The following MIB1 variants were observed in gnomAD, a reference collection of about 807,000 sequenced individuals.
MIB1 encodes E3 ubiquitin-protein ligase MIB1.
A neutral mutation model predicts 124.5 loss-of-function variants in MIB1; 278 were observed. That is an observed-to-expected ratio of 2.23 (90% confidence interval 2.02 to 2.47). The LOEUF (loss-of-function observed/expected upper bound fraction) is 2.47, where lower values mean the gene tolerates loss of function less well. MIB1 is among the 30% of genes most tolerant of loss of function. The pLI is 0.00. For missense variants in MIB1, 957 were observed against 1,254.4 expected (o/e 0.76, Z 3.58); for synonymous variants, 446 against 429.4 (o/e 1.04, Z -0.48).
chr18:21,866,091 T>C lies in MIB1; in HGVS notation c.*1425T>C, dbSNP rs1598650142. On this transcript the variant is annotated 3_prime_UTR_variant, in exon 21 of 21. Coordinates refer to ENST00000261537, the MANE Select transcript of MIB1 (RefSeq NM_020774.4). ...ATAAGCTTTTTCCTAAAAATAGTTA[T>C]CCTCTTTTGTAGTTTTTTTCCCTCC... 2 of 152,330 alleles carry C rather than the reference T, an allele frequency of 1.3e-5. No individual in the cohort carries two copies. Among genetic ancestry groups the C allele is most frequent in the South Asian group, 2.1e-4 (1 of 4,826 alleles). 9.4% of individuals were successfully genotyped at this position (152,330 alleles called of 1,614,324 possible). A position where few individuals can be genotyped will look rare whatever the true frequency, so the allele number is the denominator to read the frequency against.
intron 10 of MIB1, among the ~76,000 whole-genome samples, chr18:21,814,121 T>C (rs1467511550): frequency 6.6e-6 from 1 of 152,216 alleles, no homozygotes; most frequent in Non-Finnish European, 1.5e-5. Flanking sequence ...TGGTCTTTCC[T>C]GCCTTCTCAT....
At chr18:21,834,800 A>G (rs2042011909) in intron 12 of MIB1, among the ~76,000 whole-genome samples, 1 of 152,232 alleles carries the variant, frequency 6.6e-6, no homozygotes, top group South Asian at 2.1e-4. Context: ...GTAAAGGGGT[A>G]TTCTGGAACA....
chr18:21,756,464 CT>C (rs1017706028), intron 1 of MIB1, among the ~76,000 whole-genome samples: 2 of 151,710 alleles, frequency 1.3e-5, no homozygotes, highest in Non-Finnish European at 2.9e-5. Context: ...GTATAAAATT[CT>C]TTTTTTTATT....
intron 13 of MIB1, among the ~76,000 whole-genome samples, chr18:21,842,545 G>A (rs1267509060): frequency 6.6e-6 from 1 of 152,098 alleles, no homozygotes; most frequent in Non-Finnish European, 1.5e-5. Flanking sequence ...TCTTCATTAG[G>A]GTTCAGCTGT....
chr18:21,792,147 C>T (rs2041512044), intron 7 of MIB1, among the ~76,000 whole-genome samples: 1 of 152,020 alleles, frequency 6.6e-6, no homozygotes, highest in South Asian at 2.1e-4. Flanking sequence ...ACTCTGTCAC[C>T]TTGCCATCCC....
intron 1 of MIB1, among the ~76,000 whole-genome samples, chr18:21,723,850 A>G (rs2040725911): frequency 6.6e-6 from 1 of 152,014 alleles, no homozygotes; most frequent in Non-Finnish European, 1.5e-5. Flanking sequence ...CTGTTTATAA[A>G]GTAAGCTAAA....
intron 10 of MIB1, among the ~76,000 whole-genome samples, chr18:21,805,340 T>A (rs2041691885): frequency 1.3e-5 from 2 of 152,170 alleles, no homozygotes. Flanking sequence ...GCATATTAGA[T>A]ATCTATGAAC....
chr18:21,728,398 C>A (rs2040752470), intron 1 of MIB1, among the ~76,000 whole-genome samples: 1 of 152,034 alleles, frequency 6.6e-6, no homozygotes, highest in African/African-American at 2.4e-5. Context: ...GAGGCTGAGG[C>A]AGGAGAATTG....
intron 16 of MIB1, among the ~76,000 whole-genome samples, chr18:21,847,742 A>G (rs1283412287): frequency 6.6e-6 from 1 of 152,226 alleles, no homozygotes; most frequent in East Asian, 1.9e-4. Context: ...TGCACTCAGT[A>G]TCAGTGGAGA....
chr18:21,757,591 TCTC>T (rs2041049142), intron 1 of MIB1, among the ~76,000 whole-genome samples: 1 of 147,964 alleles, frequency 6.8e-6, no homozygotes, highest in African/African-American at 2.5e-5. Flanking sequence ...TTCAAGCAAT[TCTC>T]CTGCCTCAGC....
At chr18:21,721,261 A>G (rs1194009093) in intron 1 of MIB1, among the ~76,000 whole-genome samples, 7 of 133,138 alleles carry the variant, frequency 5.3e-5, no homozygotes, top group Non-Finnish European at 1.1e-4. Flanking sequence ...GCTCACTGCA[A>G]TATCCGCCTC....
chr18:21,712,257 G>A (rs1178768532), intron 1 of MIB1: 2 of 152,288 alleles, frequency 1.3e-5, no homozygotes, highest in African/African-American at 4.8e-5. Flanking sequence ...GTATTTCAAA[G>A]GAGAAATCAG....
At chr18:21,785,278 C>T (rs980412346) in intron 6 of MIB1, among the ~76,000 whole-genome samples, 2 of 151,900 alleles carry the variant, frequency 1.3e-5, no homozygotes, top group Non-Finnish European at 2.9e-5. Context: ...GGGCCGCTAC[C>T]GGTCTCCGCG....
intron 10 of MIB1, among the ~76,000 whole-genome samples, chr18:21,815,011 T>TTATATATATA (rs60363843): frequency 0.011 from 589 of 52,460 alleles, 6 homozygotes; most frequent in African/African-American, 0.017. Flanking sequence ...GCTGTTGGTT[T>TTATATATATA]TATATATATA....
At chr18:21,846,445 A>T (rs545257176) in intron 15 of MIB1, among the ~76,000 whole-genome samples, 3 of 152,236 alleles carry the variant, frequency 2.0e-5, no homozygotes, top group Non-Finnish European at 4.4e-5. Context: ...AGAATCTCAG[A>T]TAATATTATC....
chr18:21,855,186 C>T (rs1025661085), intron 18 of MIB1, among the ~76,000 whole-genome samples: 2 of 152,166 alleles, frequency 1.3e-5, no homozygotes, highest in Admixed American at 6.5e-5. Context: ...TATAGACATG[C>T]TCTTAAACAT....
At chr18:21,832,477 A>G (rs1034240844) in intron 12 of MIB1, among the ~76,000 whole-genome samples, 14 of 152,162 alleles carry the variant, frequency 9.2e-5, no homozygotes, top group Non-Finnish European at 1.8e-4. Context: ...AATTTTTTTA[A>G]TCAAAGAGAA....
At chr18:21,785,759 G>A (rs2041427806) in intron 6 of MIB1, among the ~76,000 whole-genome samples, 1 of 152,054 alleles carries the variant, frequency 6.6e-6, no homozygotes, top group Non-Finnish European at 1.5e-5. Context: ...TTTTCTTTTA[G>A]ATTGATGAAC....
chr18:21,799,879 C>T lies in MIB1; in HGVS notation c.1276C>T (p.Gln426Ter). 2 of 1,611,582 alleles carry T rather than the reference C, an allele frequency of 1.2e-6. No homozygotes were observed. Among genetic ancestry groups the T allele is most frequent in the Non-Finnish European group, 1.7e-6 (2 of 1,178,354 alleles). Reference protein sequence around the residue: ...SQLLKKLFETQESGDLNEELV... With the variant: ...SQLLKKLFET ...ACTCCTGAAGAAATTATTTGAAACC[C>T]AAGAATCTGGTGACCTCAATGAAGA... The change falls in exon 9 of 21, where the codon CAA becomes TAA. Residue 426 changes from glutamine (Q) to a stop codon, truncating the protein, a stop_gained. Transcript: ENST00000261537. LOFTEE classifies it high-confidence loss of function.
Sources: gnomAD v4.1 joint callset for allele counts (sites outside exome capture counted in the v4.1 genomes callset) on GRCh38, gnomAD v4.1.1 for gene constraint, MANE v1.5 for transcripts, NCBI Gene and HGNC (gene_info 2026-07-23, HGNC 2026-07-21) for gene names.